The following MYO15A variants were observed in gnomAD, a reference collection of about 807,000 sequenced individuals.
MYO15A encodes myosin XVA.
Under a neutral mutation model 394.6 loss-of-function variants are expected in MYO15A, and 308 were observed. The observed-to-expected ratio is 0.78, with a 90% CI of 0.71 to 0.86. MYO15A has a LOEUF of 0.86. Ranked by LOEUF, MYO15A falls within the 40% of genes least tolerant of loss-of-function variation. The pLI, the probability that MYO15A is intolerant of heterozygous loss-of-function variation, is 0.00. For synonymous variants in MYO15A, 1,957 were observed against 2,003.8 expected (o/e 0.98, Z 0.62); for missense variants, 4,606 against 4,799.1 (o/e 0.96, Z 1.19).
At position 18,120,209 on chromosome 17, in the gene MYO15A, AGCTGTCCCTCATCC is replaced by A; in HGVS notation, c.1412_1425del (p.Leu471GlnfsTer85). On this transcript the variant is annotated frameshift_variant, in exon 2 of 66. Coordinates refer to ENST00000647165, the MANE Select transcript of MYO15A (RefSeq NM_016239.4). LOFTEE classifies it high-confidence loss of function. ...GGCATGGATAAGCCCGCCAGGTCCA[AGCTGTCCCTCATCC>A]GCAAGTTCCGCCTCTTCCCGCGACC... is the stretch of plus-strand genomic sequence containing the variant. 1 of 1,612,882 alleles carries A rather than the reference AGCTGTCCCTCATCC, an allele frequency of 6.2e-7. No homozygotes were observed. The highest frequency in any genetic ancestry group is 8.5e-7 in the Non-Finnish European group (1 of 1,179,952).
chr17:18,155,980 G>C, intron 47 of MYO15A: 1 of 622,584 alleles, frequency 1.6e-6, no homozygotes, highest in Non-Finnish European at 2.8e-6. Context: ...GAGAGGGGCC[G>C]GAGTGTCAGC....
intron 2 of MYO15A, chr17:18,124,010 T>C (rs988664105): frequency 2.6e-5 from 6 of 232,238 alleles, no homozygotes; most frequent in Admixed American, 2.3e-4. Context: ...TGTGGGTCCA[T>C]ATGCAGGTGT....
In MYO15A at chr17:18,150,920, C is replaced by T; in HGVS notation, c.7473+7C>T. 1 of 1,604,962 alleles carries T rather than the reference C, an allele frequency of 6.2e-7. No individual in the cohort carries two copies. Among genetic ancestry groups the T allele is most frequent in the Non-Finnish European group, 8.5e-7 (1 of 1,176,114 alleles). ...GAGATCCTTGCCCGCAGAGGTGAGC[C>T]TGGCCTGCCCAGGGTGCAGGGGTTG... On this transcript the variant is annotated splice_region_variant and intron_variant, in intron 38 of 65. Transcript: ENST00000647165. The surrounding 1 kb of genome is among the most constrained non-coding windows in gnomAD (Gnocchi z 4.4).
Position 18,150,825 on chromosome 17 carries a change from C to T in MYO15A, c.7396-11C>T, listed in dbSNP as rs1327705814. 1 of 1,590,774 alleles carries T rather than the reference C, an allele frequency of 6.3e-7. No individual in the cohort carries two copies. The highest frequency in any genetic ancestry group is 8.6e-7 in the Non-Finnish European group (1 of 1,168,406). ...TGGACCTGCCTGGTCACCACTGCCA[C>T]CTCTCCCCAGGCCCGGGAGATGACC... On this transcript the variant is annotated splice_polypyrimidine_tract_variant and intron_variant, in intron 37 of 65. Coordinates refer to ENST00000647165, the MANE Select transcript of MYO15A (RefSeq NM_016239.4). This position sits in a 1 kb window ranked among gnomAD's most constrained non-coding sequence, Gnocchi z 4.4.
chr17:18,138,964 G>A (rs748731287), intron 18 of MYO15A, 28 bp downstream of exon 18: 44 of 1,600,830 alleles, frequency 2.7e-5, no homozygotes, highest in Middle Eastern at 1.7e-4. Flanking sequence ...CGGCCTGGAC[G>A]CTGGTGCTGC....
intron 59 of MYO15A, 149 bp from the exon 60 acceptor site, chr17:18,163,592 AG>A (rs2046806846): frequency 1.3e-6 from 1 of 787,660 alleles, no homozygotes; most frequent in Non-Finnish European, 2.1e-6. Context: ...TCCCTGCCTG[AG>A]GCTGATTCTC....
intron 65 of MYO15A, among the ~76,000 whole-genome samples, chr17:18,176,381 C>A (rs540893320): frequency 6.6e-6 from 1 of 152,118 alleles, no homozygotes; most frequent in African/African-American, 2.4e-5. Context: ...AGGGCCCAAA[C>A]AGCCGTCTCT....
At position 18,120,849 on chromosome 17, in the gene MYO15A, G is replaced by A; in HGVS notation, c.2049G>A (p.Ala683=). The A allele has an allele frequency of 8.4e-7, 1 of 1,196,180 alleles. No individual in the cohort carries two copies. Among genetic ancestry groups the A allele is most frequent in the Non-Finnish European group, 1.0e-6 (1 of 963,074 alleles). 74.1% of individuals were successfully genotyped at this position (1,196,180 alleles called of 1,614,324 possible). A position where few individuals can be genotyped will look rare whatever the true frequency, so the allele number is the denominator to read the frequency against. ...GPPPAPPLSP[A]LSGLPRPASP... Reference sequence around the variant, plus strand: ...CGCCCGCGCCGCCGCTCTCCCCGGCGCTCTCGGGCCTGCCCCGGCCGGCCT... The same window carrying A: ...CGCCCGCGCCGCCGCTCTCCCCGGCACTCTCGGGCCTGCCCCGGCCGGCCT... Residue 683 remains alanine (A), a synonymous_variant, in exon 2 of 66, where the codon GCG becomes GCA. Transcript: ENST00000647165.
chr17:18,140,991 C>T (rs760072680), intron 21 of MYO15A, 28 bp from the exon 22 acceptor site: 1 of 1,613,508 alleles, frequency 6.2e-7, no homozygotes, highest in South Asian at 1.1e-5. Context: ...AGCCAATGTG[C>T]AGACTCCCTC....
At chr17:18,151,747 T>C (rs2046586261) in intron 40 of MYO15A, 99 bp from the exon 41 acceptor site, 1 of 1,240,364 alleles carries the variant, frequency 8.1e-7, no homozygotes, top group African/African-American at 1.5e-5. Flanking sequence ...TTTATAATGA[T>C]AGGGGGTGGT....
intron 4 of MYO15A, chr17:18,125,553 A>T (rs62785062): frequency 2.9e-6 from 1 of 339,866 alleles, no homozygotes; most frequent in Non-Finnish European, 5.7e-6. Context: ...AAAAAAAAAA[A>T]TTAGCCAGGT....
At chr17:18,154,220 G>C in intron 44 of MYO15A, 30 bp downstream of exon 44, 1 of 1,612,610 alleles carries the variant, frequency 6.2e-7, no homozygotes, top group Non-Finnish European at 8.5e-7. Flanking sequence ...TTCTGCCTCA[G>C]TGAACTCAGC....
chr17:18,120,159 CAG>C lies in MYO15A; in HGVS notation c.1360_1361del (p.Ser454ArgfsTer11). 1 of 1,612,940 alleles carries C rather than the reference CAG, an allele frequency of 6.2e-7. No individual in the cohort carries two copies. Among genetic ancestry groups the C allele is most frequent in the Non-Finnish European group, 8.5e-7 (1 of 1,179,992 alleles). ...ERQGTSFRLP[S>X]AAFFEQQGMD... ...GTCAGGGGACCTCCTTCCGCCTGCC[CAG>C]CGCCGCCTTCTTCGAGCAGCAAGGC... On this transcript the variant is annotated frameshift_variant, in exon 2 of 66. Transcript: ENST00000647165. LOFTEE classifies it high-confidence loss of function.
In MYO15A at chr17:18,119,499, C is replaced by T; in HGVS notation, c.699C>T (p.Gly233=). 5 of 1,612,406 alleles carry T rather than the reference C, an allele frequency of 3.1e-6. No homozygotes were observed. The highest frequency in any genetic ancestry group is 2.2e-5 in the East Asian group (1 of 44,860). The change falls in exon 2 of 66, where the codon GGC becomes GGT. Residue 233 remains glycine, a synonymous_variant. Coordinates refer to ENST00000647165, the MANE Select transcript of MYO15A (RefSeq NM_016239.4). The part of the protein sequence containing the change: ...LYGLEGFQDL[G]EYYDYHRDGD... The stretch of plus-strand genomic sequence containing the variant: ...GGCTTGAGGGCTTCCAGGACCTGGG[C>T]GAGTATTATGACTATCACCGCGACG...
chr17:18,111,691 GCCAGCAGTCAC>G (rs1256862091), intron 1 of MYO15A, among the ~76,000 whole-genome samples: 1 of 152,182 alleles, frequency 6.6e-6, no homozygotes, highest in Non-Finnish European at 1.5e-5. Context: ...AGGACTTGCT[GCCAGCAGTCAC>G]CCAGACCTCC....
chr17:18,159,691 C>T lies in MYO15A; in HGVS notation c.9303+12C>T, dbSNP rs1395853559. 1 of 1,614,018 alleles carries T rather than the reference C, an allele frequency of 6.2e-7. No individual in the cohort carries two copies. ...GTAACCTCCTGAAGGTCAGTCCAGC[C>T]AACTTTGCCAGATGCCCCCTTTCCT... On this transcript the variant is annotated intron_variant, in intron 55 of 65. Transcript: ENST00000647165.
chr17:18,138,228 C>G lies in MYO15A; in HGVS notation c.4989C>G (p.Asp1663Glu). 6.2e-7 allele frequency: 1 copy of G among 1,613,246 alleles called. No individual in the cohort carries two copies. The highest frequency in any genetic ancestry group is 8.5e-7 in the Non-Finnish European group (1 of 1,180,030). Reference protein sequence around the residue: ...KPYGILRILDDQCCFPQATDH... With the variant: ...KPYGILRILDEQCCFPQATDH... The stretch of plus-strand genomic sequence containing the variant: ...ATGGCATCCTGCGGATCCTTGACGA[C>G]CAGTGTTGCTTTCCCCAGGTGAGCC... The change falls in exon 17 of 66, where the codon GAC becomes GAG. Residue 1663 changes from aspartate to glutamate, a missense_variant. Physicochemically the swap from Asp to Glu is conservative, Grantham distance 45 (BLOSUM62 2). Around this residue, in one of 2 missense-constraint regions of MYO15A, gnomAD observed 2,776 missense variants for 3,109.3 expected, o/e 0.89. Transcript: ENST00000647165.
chr17:18,169,811 TA>T (rs2046912896), intron 62 of MYO15A, among the ~76,000 whole-genome samples: 1 of 151,840 alleles, frequency 6.6e-6, no homozygotes, highest in Admixed American at 6.6e-5. Flanking sequence ...AAAAAAAATT[TA>T]GTGATTCATG....
At position 18,148,152 on chromosome 17, in the gene MYO15A, C is replaced by T. The variant is rs745354894; in HGVS notation, c.6633C>T (p.Leu2211=). 4.6e-5 allele frequency: 75 copies of T among 1,613,824 alleles called. No individual in the cohort carries two copies. Among genetic ancestry groups the T allele is most frequent in the Middle Eastern group, 3.3e-4 (2 of 6,062 alleles). The change falls in exon 31 of 66, where the codon CTC becomes CTT. Residue 2211 remains leucine (L), a synonymous_variant. Transcript: ENST00000647165. The surrounding 1 kb of genome is among the most constrained non-coding windows in gnomAD (Gnocchi z 4.8). ...GAARTLPPTQ[L]EWTATYEKAS... ...CCCGCACCTTACCCCCGACCCAGCT[C>T]GAGTGGACAGCGACCTATGAGAAGG...
Sources: allele counts gnomAD v4.1 joint callset (sites outside exome capture counted in the v4.1 genomes callset), GRCh38; gene constraint gnomAD v4.1.1; regional missense constraint gnomAD v4.1.1; non-coding constraint Gnocchi (gnomAD v3.1); transcripts MANE v1.5; gene names NCBI Gene and HGNC (gene_info 2026-07-23, HGNC 2026-07-21).